The following OLFM3 variants were observed in gnomAD, a reference collection of about 807,000 sequenced individuals.
OLFM3 encodes the protein olfactomedin 3.
Under a neutral mutation model 48.6 loss-of-function variants are expected in OLFM3, and 20 were observed. The observed-to-expected ratio is 0.41, with a 90% CI of 0.29 to 0.60. OLFM3 has a LOEUF of 0.60. Among genes scored for constraint, OLFM3 ranks in the 20% least tolerant of loss-of-function variants. The pLI is 0.28. For synonymous variants in OLFM3, 222 were observed against 198.1 expected (o/e 1.12, Z -1.01); for missense variants, 437 against 544.3 (o/e 0.80, Z 1.96).
chr1:101,927,557 T>A (rs918318173), intron 1 of OLFM3, among the ~76,000 whole-genome samples: 2 of 151,956 alleles, frequency 1.3e-5, no homozygotes, highest in Admixed American at 6.6e-5. Context: ...CTGTTTGGCT[T>A]TTCTAAAGCC....
rs180716183 is a variant in OLFM3 at position 101,980,777 on chromosome 1, C to G, written c.69+15971G>C. Among the ~76,000 whole-genome samples the G allele has an allele frequency of 3.3e-5, 5 of 152,246 alleles. No homozygotes were observed. In the East Asian group the frequency reaches 7.7e-4, roughly 24 times the overall value. ...ATAATTTGTGTCGAATGCCCTCCAACTAGTTTATGGCTTTGTGCATTTTCC... is the reference window on the plus strand; with the variant it reads ...ATAATTTGTGTCGAATGCCCTCCAAGTAGTTTATGGCTTTGTGCATTTTCC... On this transcript the variant is annotated intron_variant, in intron 1 of 5. Transcript: ENST00000370103.
chr1:101,805,008 A>G, intron 5 of OLFM3, 93 bp from the exon 6 acceptor site: 1 of 997,338 alleles, frequency 1.0e-6, no homozygotes, highest in Middle Eastern at 2.6e-4. Context: ...CACTTATTAT[A>G]ATTCTCAGGC....
intron 1 of OLFM3, among the ~76,000 whole-genome samples, chr1:101,934,292 A>T (rs191164437): frequency 6.6e-6 from 1 of 152,318 alleles, no homozygotes; most frequent in Admixed American, 6.5e-5. Flanking sequence ...AATTAAAAAA[A>T]TTAAACAAAA....
chr1:101,887,062 T>C (rs911215038), intron 1 of OLFM3, among the ~76,000 whole-genome samples: 4 of 152,040 alleles, frequency 2.6e-5, no homozygotes, highest in Non-Finnish European at 5.9e-5. Context: ...TTAGACCATT[T>C]TTTCAAATTA....
chr1:101,867,100 G>A (rs544993818), intron 1 of OLFM3, among the ~76,000 whole-genome samples: 19 of 152,210 alleles, frequency 1.2e-4, no homozygotes, highest in Admixed American at 9.2e-4. Flanking sequence ...TTGCCTATAC[G>A]TTAAATAGGC....
At chr1:101,832,135 C>T (rs1655186426) in intron 2 of OLFM3, among the ~76,000 whole-genome samples, 2 of 152,170 alleles carry the variant, frequency 1.3e-5, no homozygotes, top group Non-Finnish European at 2.9e-5. Flanking sequence ...GTAATCCACC[C>T]ACCTTGACCT....
At chr1:101,864,968 T>G (rs1206773500) in intron 1 of OLFM3, among the ~76,000 whole-genome samples, 5 of 152,228 alleles carry the variant, frequency 3.3e-5, no homozygotes, top group African/African-American at 1.2e-4. Flanking sequence ...CTCATCTTAA[T>G]GACTTCTAGC....
chr1:101,935,401 T>C (rs1248424479), intron 1 of OLFM3, among the ~76,000 whole-genome samples: 3 of 151,566 alleles, frequency 2.0e-5, no homozygotes, highest in African/African-American at 7.3e-5. Flanking sequence ...TAAGGAAACA[T>C]ACAATCTCCC....
Position 101,910,127 on chromosome 1 carries a change from C to A in OLFM3, c.70-73102G>T, listed in dbSNP as rs1658699215. ...AGCTTCAGCTTTACAGTTAAATAAT[C>A]CTCTTCATCATCACAAGATGTTTAT... On this transcript the variant is annotated intron_variant, in intron 1 of 5. Coordinates refer to ENST00000370103, the MANE Select transcript of OLFM3 (RefSeq NM_058170.4). The A allele has an allele frequency of 7.1e-6, 7 of 985,316 alleles. No individual in the cohort carries two copies. In the African/African-American group the frequency reaches 8.7e-5, roughly 12 times the overall value. The allele number at this position is 985,316 out of a possible 1,614,324, so 61.0% of individuals were successfully genotyped here.
chr1:101,984,233 G>C lies in OLFM3; in HGVS notation c.69+12515C>G, dbSNP rs796593949. 1.9e-3 allele frequency among the ~76,000 whole-genome samples: 220 copies of C among 115,422 alleles called. 1 individual carries two copies. The highest frequency in any genetic ancestry group is 7.4e-3 in the African/African-American group (213 of 28,952). 75.7% of individuals were successfully genotyped at this position (115,422 alleles called of 152,430 possible). A position where few individuals can be genotyped will look rare whatever the true frequency, so the allele number is the denominator to read the frequency against. ...TAGCCTGGGCAACAAAAGGACAAAC[G>C]CAAGACTCTGTCTCAAAAAAAAAAA... On this transcript the variant is annotated intron_variant, in intron 1 of 5. Transcript: ENST00000370103.
chr1:101,866,373 T>C (rs1322875418), intron 1 of OLFM3, among the ~76,000 whole-genome samples: 5 of 152,104 alleles, frequency 3.3e-5, no homozygotes, highest in Admixed American at 3.3e-4. Flanking sequence ...ATATCTTCAA[T>C]ATTATTGTTC....
chr1:101,818,375 A>G (rs1654437441), intron 4 of OLFM3, among the ~76,000 whole-genome samples: 1 of 152,170 alleles, frequency 6.6e-6, no homozygotes, highest in African/African-American at 2.4e-5. Flanking sequence ...TGGCTAAAAT[A>G]TAACTAAGGT....
chr1:101,872,085 C>T (rs1439474513), intron 1 of OLFM3, among the ~76,000 whole-genome samples: 1 of 151,886 alleles, frequency 6.6e-6, no homozygotes, highest in Non-Finnish European at 1.5e-5. Flanking sequence ...GCTCAGAGAA[C>T]CTGGTGTGTT....
At chr1:101,962,770 T>C (rs1262349549) in intron 1 of OLFM3, among the ~76,000 whole-genome samples, 3 of 152,190 alleles carry the variant, frequency 2.0e-5, no homozygotes, top group Admixed American at 6.5e-5. Context: ...GGAGCATTAC[T>C]TGTAGTTTTC....
chr1:101,883,173 A>G (rs1657603438), intron 1 of OLFM3, among the ~76,000 whole-genome samples: 1 of 151,776 alleles, frequency 6.6e-6, no homozygotes, highest in African/African-American at 2.4e-5. Flanking sequence ...GAAATAGAAG[A>G]TGAAGGTAAC....
At chr1:101,963,735 G>T (rs879704376) in intron 1 of OLFM3, among the ~76,000 whole-genome samples, 1 of 152,100 alleles carries the variant, frequency 6.6e-6, no homozygotes, top group Non-Finnish European at 1.5e-5. Flanking sequence ...GAGCTGGGGG[G>T]ACATTTACAT....
At chr1:101,818,566 C>T (rs756215000) in intron 4 of OLFM3, among the ~76,000 whole-genome samples, 18 of 152,010 alleles carry the variant, frequency 1.2e-4, no homozygotes, top group Non-Finnish European at 7.4e-5. Context: ...GTCAAATCTC[C>T]CACATCTCTA....
intron 3 of OLFM3, among the ~76,000 whole-genome samples, chr1:101,826,212 C>T (rs921677791): frequency 4.0e-5 from 6 of 151,726 alleles, no homozygotes; most frequent in African/African-American, 7.3e-5. Context: ...CACCCCTAGC[C>T]GTAACAGGAC....
chr1:101,975,007 C>T (rs1018408157), intron 1 of OLFM3, among the ~76,000 whole-genome samples: 6 of 152,138 alleles, frequency 3.9e-5, no homozygotes, highest in African/African-American at 7.2e-5. Flanking sequence ...GAGTTGATTA[C>T]GACTTTAATT....
Sources: gnomAD v4.1 joint callset for allele counts (sites outside exome capture counted in the v4.1 genomes callset) on GRCh38, gnomAD v4.1.1 for gene constraint, MANE v1.5 for transcripts, NCBI Gene and HGNC (gene_info 2026-07-23, HGNC 2026-07-21) for gene names.